Variants in EPS15 observed in about 807,000 individuals in gnomAD.
EPS15 encodes epidermal growth factor receptor pathway substrate 15.
In EPS15, 72 loss-of-function variants were observed where a neutral mutation model predicts 113.8. That is an observed-to-expected ratio of 0.63 (90% CI 0.52 to 0.77). EPS15 has a LOEUF of 0.77. EPS15 is among the 30% of genes least tolerant of loss of function. The probability of loss-of-function intolerance (pLI) is 0.00; values close to 1 mark genes in which losing one functional copy is unlikely to be tolerated. For missense variants in EPS15, 1,048 were observed against 1,045.8 expected (o/e 1.00, Z -0.03); for synonymous variants, 344 against 363.4 (o/e 0.95, Z 0.61).
chr1:51,385,586 C>T (rs1351982745), intron 21 of EPS15, among the ~76,000 whole-genome samples: 1 of 152,138 alleles, frequency 6.6e-6, no homozygotes, highest in African/African-American at 2.4e-5. Context: ...AAAGCAGGGA[C>T]TCAGATATCT....
At chr1:51,380,440 T>A (rs1247757427) in intron 21 of EPS15, among the ~76,000 whole-genome samples, 1 of 152,262 alleles carries the variant, frequency 6.6e-6, no homozygotes, top group Non-Finnish European at 1.5e-5. Context: ...GGAGTGGAGC[T>A]GTAAAGGAGT....
At chr1:51,408,432 T>C in intron 14 of EPS15, 100 bp from the exon 15 acceptor site, 6 of 883,716 alleles carry the variant, frequency 6.8e-6, no homozygotes, top group Non-Finnish European at 1.1e-5. Flanking sequence ...GTTTACTATT[T>C]TGGTGTTTTT....
chr1:51,406,452 G>C (rs1414973704), intron 15 of EPS15, among the ~76,000 whole-genome samples: 1 of 152,154 alleles, frequency 6.6e-6, no homozygotes, highest in Non-Finnish European at 1.5e-5. Flanking sequence ...TCGAGTGACA[G>C]AATGAGACCC....
intron 8 of EPS15, among the ~76,000 whole-genome samples, chr1:51,448,681 A>C (rs1165495923): frequency 6.6e-6 from 1 of 152,186 alleles, no homozygotes; most frequent in East Asian, 1.9e-4. Context: ...TGTTAGCTAA[A>C]CTGTGGGGAA....
At chr1:51,484,809 T>C (rs1250172114) in intron 1 of EPS15, among the ~76,000 whole-genome samples, 2 of 152,234 alleles carry the variant, frequency 1.3e-5, no homozygotes. Context: ...TGCAGTGGCA[T>C]GTACAGTGAC....
At chr1:51,437,475 T>C (rs1652243027) in intron 12 of EPS15, among the ~76,000 whole-genome samples, 1 of 150,884 alleles carries the variant, frequency 6.6e-6, no homozygotes, top group Non-Finnish European at 1.5e-5. Context: ...GTTTGATCCC[T>C]GGACTAAAAA....
At chr1:51,426,060 C>G (rs1289802525) in intron 12 of EPS15, among the ~76,000 whole-genome samples, 1 of 151,908 alleles carries the variant, frequency 6.6e-6, no homozygotes, top group Non-Finnish European at 1.5e-5. Context: ...GTTTTGAAAC[C>G]ATCAGATTTG....
At chr1:51,508,324 GAGAAAGAGAAAGAGAGAAAGAA>G (rs1644550384) in intron 1 of EPS15, among the ~76,000 whole-genome samples, 1 of 123,824 alleles carries the variant, frequency 8.1e-6, no homozygotes, top group Admixed American at 8.0e-5. Context: ...GAGAGAAAGA[GAGAAAGAGAAAGAGAGAAAGAA>G]AGAAAGAAAG....
rs1180758430 is a variant in EPS15, at chr1:51,355,863, C to CTT, written c.*835_*836dup. ...AGGCAGAATGGCTGCCATGTTAAGA[C>CTT]TTTTGCTTGCCTTATACTGATGGGT... On this transcript the variant is annotated 3_prime_UTR_variant, in exon 25 of 25. Coordinates refer to ENST00000371733, the MANE Select transcript of EPS15 (RefSeq NM_001981.3). The CTT allele has an allele frequency of 4.0e-5, 8 of 198,710 alleles. No individual in the cohort carries two copies. Among genetic ancestry groups the CTT allele is most frequent in the Middle Eastern group, 1.8e-3 (1 of 568 alleles). The allele number at this position is 198,710 out of a possible 1,614,324, so 12.3% of individuals were successfully genotyped here. A position where few individuals can be genotyped will look rare whatever the true frequency, so the allele number is the denominator to read the frequency against.
intron 1 of EPS15, among the ~76,000 whole-genome samples, chr1:51,492,914 T>C (rs1644260491): frequency 6.6e-6 from 1 of 152,206 alleles, no homozygotes; most frequent in Non-Finnish European, 1.5e-5. Flanking sequence ...CATTACACTA[T>C]TTAACTTCTT....
At chr1:51,384,451 C>A (rs963859287) in intron 21 of EPS15, among the ~76,000 whole-genome samples, 5 of 151,902 alleles carry the variant, frequency 3.3e-5, no homozygotes, top group Non-Finnish European at 5.9e-5. Context: ...CAGGTGCATG[C>A]CACTATGCCT....
chr1:51,396,722 T>G (rs115275418), intron 20 of EPS15, among the ~76,000 whole-genome samples: 4,865 of 152,176 alleles, frequency 0.032, 126 homozygotes, highest in Non-Finnish European at 0.05. Flanking sequence ...GTGCAGCCCA[T>G]GAAGGAATAA....
At chr1:51,498,847 A>G (rs192423423) in intron 1 of EPS15, among the ~76,000 whole-genome samples, 1 of 152,286 alleles carries the variant, frequency 6.6e-6, no homozygotes, top group East Asian at 1.9e-4. Flanking sequence ...CAAAATATTC[A>G]TGTTGAAACT....
intron 1 of EPS15, among the ~76,000 whole-genome samples, chr1:51,497,435 A>G (rs2148545726): frequency 3.3e-5 from 5 of 152,374 alleles, no homozygotes; most frequent in Admixed American, 3.3e-4. Context: ...AAATGCAAAG[A>G]AAAAGCTCAA....
At chr1:51,510,508 G>A (rs543442269) in intron 1 of EPS15, among the ~76,000 whole-genome samples, 1 of 152,154 alleles carries the variant, frequency 6.6e-6, no homozygotes, top group East Asian at 1.9e-4. Context: ...TGTTCTAGAA[G>A]CATCAGTCCT....
rs1557462584 is a variant in EPS15 at position 51,431,018 on chromosome 1, AC to A, written c.1041-9161del. Among the ~76,000 whole-genome samples, 22 of 136,048 alleles carry A rather than the reference AC, an allele frequency of 1.6e-4. 1 individual carries two copies. Among genetic ancestry groups the A allele is most frequent in the African/African-American group, 5.3e-4 (19 of 36,180 alleles). The allele number at this position is 136,048 out of a possible 152,430, so 89.3% of individuals were successfully genotyped here. On this transcript the variant is annotated intron_variant, in intron 12 of 24. Coordinates refer to ENST00000371733, the MANE Select transcript of EPS15 (RefSeq NM_001981.3). ...CACACACACACACACACACACACAC[AC>A]ACACACACAAAAATAAAACTTGCCT... is the stretch of plus-strand genomic sequence containing the variant.
chr1:51,354,957 G>A lies in EPS15; in HGVS notation c.*1743C>T, dbSNP rs1406988165. 1.4e-5 allele frequency: 3 copies of A among 216,320 alleles called. No homozygotes were observed. The highest frequency in any genetic ancestry group is 6.8e-5 in the African/African-American group (3 of 44,356). 13.4% of individuals were successfully genotyped at this position (216,320 alleles called of 1,614,324 possible). On this transcript the variant is annotated 3_prime_UTR_variant, in exon 25 of 25. Coordinates refer to ENST00000371733, the MANE Select transcript of EPS15 (RefSeq NM_001981.3). ...CAAGTCAACTTACCTTTATCCTAAGGAGTAAGAGGAAGAAAATAAACAAAA... is the reference window on the plus strand; with the variant it reads ...CAAGTCAACTTACCTTTATCCTAAGAAGTAAGAGGAAGAAAATAAACAAAA...
In EPS15 at chr1:51,381,586, C is replaced by T. The variant is rs12090709; in HGVS notation, c.2119+12795G>A. Among the ~76,000 whole-genome samples the T allele has an allele frequency of 7.9e-3, 1,200 of 152,158 alleles. 19 individuals carry two copies. The highest frequency in any genetic ancestry group is 0.028 in the African/African-American group (1,162 of 41,504). On this transcript the variant is annotated intron_variant, in intron 21 of 24. Coordinates refer to ENST00000371733, the MANE Select transcript of EPS15 (RefSeq NM_001981.3). ...CCAGCCTGGGTGGCAGAACGAGGCT[C>T]TATCTCAAAATAAAAATAATAAATA...
At chr1:51,506,755 A>G (rs989750692) in intron 1 of EPS15, among the ~76,000 whole-genome samples, 4 of 151,450 alleles carry the variant, frequency 2.6e-5, no homozygotes, top group African/African-American at 9.7e-5. Context: ...CCACCCCCAG[A>G]TCTTACAAGG....
Sources: gnomAD v4.1 joint callset for allele counts (sites outside exome capture counted in the v4.1 genomes callset) on GRCh38, gnomAD v4.1.1 for gene constraint, MANE v1.5 for transcripts, NCBI Gene and HGNC (gene_info 2026-07-23, HGNC 2026-07-21) for gene names.